Variants in GGA2 observed in about 807,000 individuals in gnomAD.
GGA2 encodes golgi associated, gamma adaptin ear containing, ARF binding protein 2.
A neutral mutation model predicts 79.5 loss-of-function variants in GGA2; 48 were observed. The ratio of observed to expected loss-of-function variants is 0.60; its 90% CI spans 0.48 to 0.77. The LOEUF is 0.77. GGA2 is among the 30% of genes least tolerant of loss of function. The probability of loss-of-function intolerance (pLI) is 0.00; values close to 1 mark genes in which losing one functional copy is unlikely to be tolerated. For synonymous variants in GGA2, 317 were observed against 302.0 expected, an observed-to-expected ratio of 1.05 and a Z score of -0.51; for missense variants, 770 against 774.0, an observed-to-expected ratio of 0.99 and a Z score of 0.06.
chr16:23,472,184 G>GTTTT (rs749688834), intron 14 of GGA2, among the ~76,000 whole-genome samples: 6 of 54,838 alleles, frequency 1.1e-4, no homozygotes, highest in Non-Finnish European at 1.0e-4. Context: ...TGTAGCCCTG[G>GTTTT]TTTTTTTTTT....
chr16:23,478,326 C>G, intron 13 of GGA2, 42 bp downstream of exon 13: 1 of 1,517,824 alleles, frequency 6.6e-7, no homozygotes, highest in East Asian at 2.3e-5. Context: ...GAACCGCACT[C>G]AGGAGCCACA....
At chr16:23,516,157 G>A (rs1221808067) in intron 2 of GGA2, among the ~76,000 whole-genome samples, 2 of 151,606 alleles carry the variant, frequency 1.3e-5, no homozygotes, top group Non-Finnish European at 2.9e-5. Context: ...ACAGGCACAC[G>A]CCACCATGCC....
chr16:23,494,348 G>A lies in GGA2; in HGVS notation c.207C>T (p.His69=), dbSNP rs1370219429. 1 of 1,612,924 alleles carries A rather than the reference G, an allele frequency of 6.2e-7. No homozygotes were observed. The change falls in exon 3 of 17, where the codon CAC becomes CAT. Residue 69 remains histidine (H), a synonymous_variant. Coordinates refer to ENST00000309859, the MANE Select transcript of GGA2 (RefSeq NM_015044.4). ...GPTHAPWLLA[H]KIQSPQEKEA... ...CCTTCTCTTGCGGAGACTGGATCTTGTGGGCCAGTAGCCAGGGCGCATGTG... is the reference window on the plus strand; with the variant it reads ...CCTTCTCTTGCGGAGACTGGATCTTATGGGCCAGTAGCCAGGGCGCATGTG...
intron 2 of GGA2, among the ~76,000 whole-genome samples, chr16:23,515,547 A>C (rs1392145747): frequency 3.5e-5 from 5 of 142,236 alleles, no homozygotes; most frequent in Non-Finnish European, 7.6e-5. Context: ...CAGTGAGCTG[A>C]GATTGCACCA....
intron 10 of GGA2, chr16:23,480,285 C>A: frequency 3.3e-6 from 1 of 307,250 alleles, no homozygotes; most frequent in Non-Finnish European, 6.2e-6. Context: ...CCAGGGACCG[C>A]ATTTCAACCA....
At chr16:23,505,203 G>C (rs1333375725) in intron 1 of GGA2, among the ~76,000 whole-genome samples, 1 of 152,192 alleles carries the variant, frequency 6.6e-6, no homozygotes, top group Non-Finnish European at 1.5e-5. Context: ...GCATGGGAAT[G>C]TCCTACTCAT....
chr16:23,517,555 G>A (rs185687231), intron 2 of GGA2, among the ~76,000 whole-genome samples: 12 of 151,720 alleles, frequency 7.9e-5, no homozygotes, highest in African/African-American at 2.9e-4. Context: ...TATTGAATCT[G>A]GGTTTTATTA....
chr16:23,477,568 C>T (rs7185600), intron 13 of GGA2, among the ~76,000 whole-genome samples: 108,046 of 151,488 alleles, frequency 0.71, 39,592 homozygotes, highest in Middle Eastern at 0.81. Context: ...ACAGTGAAAC[C>T]CCATCTCTAC....
intron 14 of GGA2, among the ~76,000 whole-genome samples, chr16:23,471,375 G>GA (rs1400780253): frequency 6.6e-6 from 1 of 151,850 alleles, no homozygotes; most frequent in African/African-American, 2.4e-5. Context: ...TTTGAGGGGG[G>GA]AAAACTATGT....
At position 23,465,111 on chromosome 16, in the gene GGA2, TC is replaced by T; in HGVS notation, c.*2478del. 1 of 571,896 alleles carries T rather than the reference TC, an allele frequency of 1.7e-6. No individual in the cohort carries two copies. Among genetic ancestry groups the T allele is most frequent in the Non-Finnish European group, 3.1e-6 (1 of 321,778 alleles). The allele number at this position is 571,896 out of a possible 1,614,324, so 35.4% of individuals were successfully genotyped here. ...TGCTTCTCCCCAGAGGAAAAGAAGC[TC>T]CTTCAGGGTGGTGCCTGGCTCAGGG... On this transcript the variant is annotated 3_prime_UTR_variant, in exon 17 of 17. Transcript: ENST00000309859.
chr16:23,478,572 C>T (rs1964606238), intron 12 of GGA2, 71 bp from the exon 13 acceptor site: 1 of 1,485,286 alleles, frequency 6.7e-7, no homozygotes, highest in African/African-American at 1.4e-5. Context: ...AACCAAGGCA[C>T]AGCTCTCCTG....
intron 1 of GGA2, among the ~76,000 whole-genome samples, chr16:23,498,384 G>A (rs1029898862): frequency 1.3e-5 from 2 of 151,928 alleles, no homozygotes; most frequent in African/African-American, 4.8e-5. Flanking sequence ...CTATGATTGT[G>A]CAACTGCACT....
chr16:23,466,970 T>C lies in GGA2; in HGVS notation c.*620A>G, dbSNP rs1964445015. 1 of 153,276 alleles carries C rather than the reference T, an allele frequency of 6.5e-6. No individual in the cohort carries two copies. Among genetic ancestry groups the C allele is most frequent in the African/African-American group, 2.4e-5 (1 of 41,398 alleles). The allele number at this position is 153,276 out of a possible 1,614,324, so 9.5% of individuals were successfully genotyped here. A position where few individuals can be genotyped will look rare whatever the true frequency, so the allele number is the denominator to read the frequency against. ...TGGTCCCCCAAGTGTGGTCCTCAGGTCTCATGGCAGCCACTCGCCTGGGAA... is the reference window on the plus strand; with the variant it reads ...TGGTCCCCCAAGTGTGGTCCTCAGGCCTCATGGCAGCCACTCGCCTGGGAA... On this transcript the variant is annotated 3_prime_UTR_variant, in exon 17 of 17. Coordinates refer to ENST00000309859, the MANE Select transcript of GGA2 (RefSeq NM_015044.4).
intron 1 of GGA2, among the ~76,000 whole-genome samples, chr16:23,498,055 G>A (rs1442776224): frequency 6.6e-6 from 1 of 152,170 alleles, no homozygotes; most frequent in Non-Finnish European, 1.5e-5. Context: ...CGAGGAGGGT[G>A]GATTGCCTGA....
At chr16:23,501,872 CT>C (rs1385425230) in intron 1 of GGA2, among the ~76,000 whole-genome samples, 1 of 152,140 alleles carries the variant, frequency 6.6e-6, no homozygotes, top group Non-Finnish European at 1.5e-5. Flanking sequence ...TTCTGCCCTT[CT>C]TGTTCCACTG....
At chr16:23,503,698 C>T (rs1488808360) in intron 1 of GGA2, among the ~76,000 whole-genome samples, 2 of 152,188 alleles carry the variant, frequency 1.3e-5, no homozygotes, top group African/African-American at 4.8e-5. Flanking sequence ...AGCTCCACTG[C>T]ATACTGAATA....
In GGA2 at chr16:23,467,434, AG is replaced by A; in HGVS notation, c.*155del. 1.6e-6 allele frequency: 1 copy of A among 614,100 alleles called. No individual in the cohort carries two copies. The highest frequency in any genetic ancestry group is 3.0e-6 in the Non-Finnish European group (1 of 337,666). 38.0% of individuals were successfully genotyped at this position (614,100 alleles called of 1,614,324 possible). ...CACACACACACACACACACACACACAGAGCATCTGCAGAATAAGTCAGAGGT... is the reference window on the plus strand; with the variant it reads ...CACACACACACACACACACACACACAAGCATCTGCAGAATAAGTCAGAGGT... On this transcript the variant is annotated 3_prime_UTR_variant, in exon 17 of 17. Coordinates refer to ENST00000309859, the MANE Select transcript of GGA2 (RefSeq NM_015044.4).
Position 23,517,269 on chromosome 16 carries a change from G to A in GGA2, c.61+2318C>T, listed in dbSNP as rs1248702124. Among the ~76,000 whole-genome samples the A allele has an allele frequency of 1.0e-3, 39 of 38,468 alleles. 18 individuals carry two copies. Among genetic ancestry groups the A allele is most frequent in the Middle Eastern group, 0.04 (2 of 50 alleles). 25.2% of individuals were successfully genotyped at this position (38,468 alleles called of 152,430 possible). On this transcript the variant is annotated intron_variant, in intron 2 of 5. Coordinates refer to the GGA2 transcript ENST00000569300. Reference sequence around the variant, plus strand: ...TTTTGAGACGGAGTCTCGCTCTGTCGCCCAGGCTGGAGTGCAGTGGCGGGA... The same window carrying A: ...TTTTGAGACGGAGTCTCGCTCTGTCACCCAGGCTGGAGTGCAGTGGCGGGA...
At chr16:23,500,244 G>A (rs1335288375) in intron 1 of GGA2, among the ~76,000 whole-genome samples, 1 of 152,234 alleles carries the variant, frequency 6.6e-6, no homozygotes. Flanking sequence ...TGCCTTTGCT[G>A]GGAAGAGGTA....
Sources: allele counts gnomAD v4.1 joint callset (sites outside exome capture counted in the v4.1 genomes callset), GRCh38; gene constraint gnomAD v4.1.1; transcripts MANE v1.5; gene names NCBI Gene and HGNC (gene_info 2026-07-23, HGNC 2026-07-21).